The following ABCA12 variants were observed in gnomAD, a reference collection of about 807,000 sequenced individuals.
ABCA12 encodes glucosylceramide transporter ABCA12.
In ABCA12, 156 loss-of-function variants were observed where a neutral mutation model predicts 293.5. That is an observed-to-expected ratio of 0.53 (90% CI 0.47 to 0.61). ABCA12 has a LOEUF of 0.61. Ranked by LOEUF, ABCA12 falls within the 20% of genes least tolerant of loss-of-function variation. The pLI is 0.00. For synonymous variants in ABCA12, 1,063 were observed against 1,108.0 expected, an observed-to-expected ratio of 0.96 and a Z score of 0.81; for missense variants, 2,797 against 3,090.2, an observed-to-expected ratio of 0.91 and a Z score of 2.25.
intron 40 of ABCA12, 109 bp downstream of exon 40, chr2:214,958,915 T>A (rs1200266116): frequency 8.4e-7 from 1 of 1,195,258 alleles, no homozygotes; most frequent in African/African-American, 1.5e-5. Context: ...TACCAGCCCT[T>A]CTAGATTGAC....
intron 14 of ABCA12, among the ~76,000 whole-genome samples, chr2:215,016,603 A>AAAAAAAC (rs1700510590): frequency 6.8e-6 from 1 of 146,638 alleles, no homozygotes; most frequent in Non-Finnish European, 1.5e-5. Flanking sequence ...AAAAAAAAAA[A>AAAAAAAC]AAAAAAAAAA....
chr2:214,975,748 T>G (rs1316007148), intron 34 of ABCA12, 37 bp downstream of exon 34: 12 of 1,613,528 alleles, frequency 7.4e-6, no homozygotes, highest in Non-Finnish European at 1.0e-5. Context: ...TGGAAGCATT[T>G]TGGAAACATT....
chr2:215,033,511 C>T (rs182300217), intron 8 of ABCA12, among the ~76,000 whole-genome samples: 182 of 152,240 alleles, frequency 1.2e-3, no homozygotes, highest in African/African-American at 3.9e-3. Context: ...AGACTCTTCC[C>T]TTTGGTCACT....
At chr2:214,946,493 A>G (rs1364649381) in intron 48 of ABCA12, among the ~76,000 whole-genome samples, 2 of 152,278 alleles carry the variant, frequency 1.3e-5, no homozygotes, top group Admixed American at 1.3e-4. Flanking sequence ...CATTTACACA[A>G]TAGAATTCCA....
At chr2:215,037,209 CTTGT>C (rs773714820) in intron 7 of ABCA12, 144 bp from the exon 8 acceptor site, 2 of 691,138 alleles carry the variant, frequency 2.9e-6, no homozygotes, top group East Asian at 2.9e-5. Context: ...AATTTAATTA[CTTGT>C]TTGTCTGTTC....
At chr2:214,943,043 A>G (rs773837962) in intron 49 of ABCA12, 26 bp from the exon 50 acceptor site, 7 of 1,589,884 alleles carry the variant, frequency 4.4e-6, no homozygotes, top group South Asian at 3.3e-5. Context: ...GGATCATATT[A>G]GCATTCAGGA....
intron 2 of ABCA12, among the ~76,000 whole-genome samples, chr2:215,066,186 T>A (rs1701636519): frequency 6.6e-6 from 1 of 152,160 alleles, no homozygotes; most frequent in South Asian, 2.1e-4. Context: ...GGTTTACCAT[T>A]CATGGTAATG....
chr2:215,046,756 A>C (rs947396190), intron 6 of ABCA12, among the ~76,000 whole-genome samples: 10 of 151,996 alleles, frequency 6.6e-5, no homozygotes, highest in Non-Finnish European at 1.5e-4. Flanking sequence ...TTGCTGTCTC[A>C]TTTTTACCAT....
At chr2:214,997,577 CT>C in intron 23 of ABCA12, 117 bp downstream of exon 23, 1 of 718,726 alleles carries the variant, frequency 1.4e-6, no homozygotes, top group Non-Finnish European at 2.3e-6. Flanking sequence ...GTTTTTCTTT[CT>C]GTTTAATTCA....
At chr2:214,971,867 C>T (rs549606251) in intron 36 of ABCA12, among the ~76,000 whole-genome samples, 1 of 152,222 alleles carries the variant, frequency 6.6e-6, no homozygotes, top group South Asian at 2.1e-4. Flanking sequence ...AAATTAAATT[C>T]CCAGAGCAGA....
At chr2:215,137,335 C>A (rs944710390) in intron 1 of ABCA12, among the ~76,000 whole-genome samples, 1 of 152,168 alleles carries the variant, frequency 6.6e-6, no homozygotes, top group African/African-American at 2.4e-5. Context: ...CTGGGAATTA[C>A]CACTTTAAAA....
chr2:215,016,605 A>AAAAAAAAAAAAAAAG (rs1553534171), intron 14 of ABCA12, among the ~76,000 whole-genome samples: 1 of 139,186 alleles, frequency 7.2e-6, no homozygotes. Context: ...AAAAAAAAAA[A>AAAAAAAAAAAAAAAG]AAAAAAAAAG....
At chr2:215,129,697 G>T (rs1264955701) in intron 1 of ABCA12, among the ~76,000 whole-genome samples, 1 of 152,108 alleles carries the variant, frequency 6.6e-6, no homozygotes, top group African/African-American at 2.4e-5. Context: ...TTATCCTGTT[G>T]ATTATTTCTT....
intron 36 of ABCA12, among the ~76,000 whole-genome samples, chr2:214,972,625 C>G (rs1699411782): frequency 6.6e-6 from 1 of 152,066 alleles, no homozygotes; most frequent in South Asian, 2.1e-4. Flanking sequence ...CCAAGCTGGT[C>G]TCGAACTCCT....
intron 45 of ABCA12, among the ~76,000 whole-genome samples, chr2:214,950,372 G>GTATA (rs754787817): frequency 4.5e-5 from 4 of 88,124 alleles, no homozygotes; most frequent in African/African-American, 1.4e-4. Flanking sequence ...ATATGTGTGT[G>GTATA]TATATATATA....
intron 2 of ABCA12, among the ~76,000 whole-genome samples, chr2:215,108,834 C>T (rs560778400): frequency 2.4e-4 from 36 of 152,234 alleles, no homozygotes; most frequent in Non-Finnish European, 5.3e-4. Flanking sequence ...TTTTGGGAGG[C>T]CGAGGCGGTG....
At chr2:215,031,592 A>G (rs4673935) in intron 9 of ABCA12, among the ~76,000 whole-genome samples, 147,047 of 152,280 alleles carry the variant, frequency 0.97, 71,205 homozygotes, top group East Asian at 1. Context: ...ATGCAAGCTC[A>G]GAACTGAAAA....
rs188938987 is a variant in ABCA12 at position 214,982,409 on chromosome 2, T to G, written c.4383-26A>C. 5.1e-6 allele frequency: 8 copies of G among 1,578,610 alleles called. No homozygotes were observed. In the East Asian group the frequency reaches 6.7e-5, roughly 13 times the overall value. On this transcript the variant is annotated intron_variant, in intron 29 of 52. Transcript: ENST00000272895. ...CTTCAAAAATAATGTATGATGGTTA[T>G]TTTTTTACAGATATACTATTTGAGT...
intron 3 of ABCA12, among the ~76,000 whole-genome samples, chr2:215,057,148 G>A (rs1180896082): frequency 1.3e-5 from 2 of 152,032 alleles, no homozygotes; most frequent in Non-Finnish European, 2.9e-5. Context: ...ATGGCAGAAA[G>A]TACTTTATAG....
Sources: gnomAD v4.1 joint callset for allele counts (sites outside exome capture counted in the v4.1 genomes callset) on GRCh38, gnomAD v4.1.1 for gene constraint, MANE v1.5 for transcripts, NCBI Gene and HGNC (gene_info 2026-07-23, HGNC 2026-07-21) for gene names.